The following CD164L2 variants were observed in gnomAD, a reference collection of about 807,000 sequenced individuals.
CD164L2 encodes CD164 molecule like 2, also known as CD164 sialomucin-like 2 protein.
CD164L2 carries 21 observed loss-of-function variants against 23.9 expected under a neutral mutation model. That is an observed-to-expected ratio of 0.88 (90% CI 0.62 to 1.27). CD164L2 has a LOEUF of 1.27. Among genes scored for constraint, CD164L2 ranks in the 50% most tolerant of loss-of-function variants. The pLI is 0.00. For missense variants in CD164L2, 230 were observed against 224.8 expected (o/e 1.02, Z -0.15); for synonymous variants, 92 against 90.2 (o/e 1.02, Z -0.11).
chr1:27,380,293 T>C, intron 4 of CD164L2, 98 bp from the exon 5 acceptor site: 1 of 1,140,770 alleles, frequency 8.8e-7, no homozygotes, highest in Non-Finnish European at 1.3e-6. Flanking sequence ...GAGGCCCCGG[T>C]CCTCAATATG....
At chr1:27,383,053 CT>C in intron 1 of CD164L2, 98 bp downstream of exon 1, 2 of 1,028,984 alleles carry the variant, frequency 1.9e-6, no homozygotes, top group Non-Finnish European at 2.9e-6. Context: ...GGAAAGCCCC[CT>C]CCCCTCAAGC....
chr1:27,382,484 G>A lies in CD164L2; in HGVS notation c.256+16C>T, dbSNP rs376208723. 68 of 1,591,454 alleles carry A rather than the reference G, an allele frequency of 4.3e-5. No individual in the cohort carries two copies. Among genetic ancestry groups the A allele is most frequent in the Non-Finnish European group, 5.1e-5 (59 of 1,165,396 alleles). On this transcript the variant is annotated intron_variant, in intron 2 of 5. Transcript: ENST00000374030. The stretch of plus-strand genomic sequence containing the variant: ...GAGCTGGGGGCACTCAATCTGGGGA[G>A]GGCTCAGCTCCATACCTGGCTCCTC...
In CD164L2 at chr1:27,382,446, G is replaced by T. The variant is rs201417742; in HGVS notation, c.257-47C>A. On this transcript the variant is annotated intron_variant, in intron 2 of 5. Coordinates refer to ENST00000374030, the MANE Select transcript of CD164L2 (RefSeq NM_001330448.1). Reference sequence around the variant, plus strand: ...GGGAGGTTTGGGGAGAGGGGCCAGGGCCTTGGGGTTCAGAGCTGGGGGCAC... The same window carrying T: ...GGGAGGTTTGGGGAGAGGGGCCAGGTCCTTGGGGTTCAGAGCTGGGGGCAC... 787 of 1,585,254 alleles carry T rather than the reference G, an allele frequency of 5.0e-4. 2 individuals carry two copies. In the African/African-American group the frequency reaches 8.5e-3, roughly 17 times the overall value.
In CD164L2 at chr1:27,379,409, TCCCGCC is replaced by T; in HGVS notation, c.*88_*93del. 8.8e-7 allele frequency: 1 copy of T among 1,134,224 alleles called. No individual in the cohort carries two copies. The highest frequency in any genetic ancestry group is 1.3e-5 in the South Asian group (1 of 75,470). 70.3% of individuals were successfully genotyped at this position (1,134,224 alleles called of 1,614,324 possible). ...GCCAAAAACTGGCGGCCAGAGTTTT[TCCCGCC>T]CCCGCCCCCCGCTTACCCACAAGGG... On this transcript the variant is annotated 3_prime_UTR_variant, in exon 6 of 6. Coordinates refer to ENST00000374030, the MANE Select transcript of CD164L2 (RefSeq NM_001330448.1).
rs1210946856 is a variant in CD164L2 at position 27,382,656 on chromosome 1, G to A, written c.100C>T (p.Arg34Ter). Residue 34 changes from arginine (R) to a stop codon, truncating the protein, a stop_gained, in exon 2 of 6, where the codon CGA (arginine) becomes TGA (stop). Coordinates refer to ENST00000374030, the MANE Select transcript of CD164L2 (RefSeq NM_001330448.1). LOFTEE classifies it high-confidence loss of function. ...AQLAVAGKGA[R>*]GFGRGALIRL... is the part of the protein sequence containing the mutation. ...ATCAGGGCTCCCCTCCCAAAGCCTC[G>A]AGCTCCTTTACCTGGTAGTGCGGTG... is the stretch of plus-strand genomic sequence containing the variant. 6.2e-7 allele frequency: 1 copy of A among 1,611,290 alleles called. No homozygotes were observed. Among genetic ancestry groups the A allele is most frequent in the Admixed American group, 1.7e-5 (1 of 59,820 alleles).
chr1:27,381,908 C>G (rs2016342715), intron 3 of CD164L2, 84 bp from the exon 4 acceptor site: 1 of 1,556,650 alleles, frequency 6.4e-7, no homozygotes, highest in Non-Finnish European at 8.8e-7. Context: ...CACCGCTAAA[C>G]TTCCGATTCA....
chr1:27,382,622 T>C lies in CD164L2; in HGVS notation c.134A>G (p.Asn45Ser), dbSNP rs140169689. 587 of 1,612,938 alleles carry C rather than the reference T, an allele frequency of 3.6e-4. 6 individuals carry two copies. The Middle Eastern group carries it at 8.9e-3, about 24-fold the overall frequency. ...GFGRGALIRL[N>S]IWPAVQGACK... ...GGCCCCTTGGACCGCCGGCCAGATATTCAGGCGGATCAGGGCTCCCCTCCC... is the reference window on the plus strand; with the variant it reads ...GGCCCCTTGGACCGCCGGCCAGATACTCAGGCGGATCAGGGCTCCCCTCCC... The change falls in exon 2 of 6, where the codon AAT becomes AGT. Residue 45 changes from asparagine (N) to serine (S), a missense_variant. By Grantham distance (46) the Asn-to-Ser change is conservative. Transcript: ENST00000374030.
intron 1 of CD164L2, 136 bp from the exon 2 acceptor site, chr1:27,382,803 C>G: frequency 1.0e-6 from 1 of 952,832 alleles, no homozygotes; most frequent in Non-Finnish European, 1.5e-6. Flanking sequence ...CCTGGATCCC[C>G]AAGCCCCAGC....
In CD164L2 at chr1:27,382,563, C is replaced by T. The variant is rs545591475; in HGVS notation, c.193G>A (p.Glu65Lys). Reference protein sequence around the residue: ...KQLEVCEHCVEGDGARNLSSC... With the variant: ...KQLEVCEHCVKGDGARNLSSC... The stretch of plus-strand genomic sequence containing the variant: ...GAGAGATTGCGCGCTCCGTCTCCCT[C>T]CACGCAGTGCTCACAGACCTCCAGC... Residue 65 changes from glutamate (E) to lysine (K), a missense_variant, in exon 2 of 6, where the codon GAG becomes AAG. Coordinates refer to ENST00000374030, the MANE Select transcript of CD164L2 (RefSeq NM_001330448.1). 2 of 1,613,714 alleles carry T rather than the reference C, an allele frequency of 1.2e-6. No homozygotes were observed. The highest frequency in any genetic ancestry group is 1.1e-5 in the South Asian group (1 of 91,062).
chr1:27,383,204 C>G lies in CD164L2; in HGVS notation c.36G>C (p.Ala12=). 6.5e-7 allele frequency: 1 copy of G among 1,547,706 alleles called. No individual in the cohort carries two copies. Among genetic ancestry groups the G allele is most frequent in the Non-Finnish European group, 8.7e-7 (1 of 1,146,794 alleles). Residue 12 remains alanine, a synonymous_variant, in exon 1 of 6, where the codon GCG becomes GCC. Coordinates refer to ENST00000374030, the MANE Select transcript of CD164L2 (RefSeq NM_001330448.1). ...GGAGGCAGCAACAGCCGCCACAGAGCGCAGTCCGCAAGGCGCGGGGTCCCG... is the reference window on the plus strand; with the variant it reads ...GGAGGCAGCAACAGCCGCCACAGAGGGCAGTCCGCAAGGCGCGGGGTCCCG... The part of the protein sequence containing the change: ...EAPGPRALRT[A]LCGGCCCLLL...
chr1:27,380,404 G>C (rs1470698647), intron 4 of CD164L2, among the ~76,000 whole-genome samples: 1 of 152,180 alleles, frequency 6.6e-6, no homozygotes, highest in Non-Finnish European at 1.5e-5. Context: ...GTGCTGTCCA[G>C]CCCTGGCTCT....
Position 27,383,321 on chromosome 1 carries a change from C to T in CD164L2, c.-82G>A. The T allele has an allele frequency of 1.1e-6, 1 of 904,442 alleles. No homozygotes were observed. Among genetic ancestry groups the T allele is most frequent in the Non-Finnish European group, 1.7e-6 (1 of 600,266 alleles). 56.0% of individuals were successfully genotyped at this position (904,442 alleles called of 1,614,324 possible). A position where few individuals can be genotyped will look rare whatever the true frequency, so the allele number is the denominator to read the frequency against. ...GGGCGCGTCCCTCCCAGACTGGGCT[C>T]GGCTGAGCGTGTGCGGAGCGAGACC... On this transcript the variant is annotated 5_prime_UTR_variant, in exon 1 of 6. Transcript: ENST00000374030.
chr1:27,381,896 C>A, intron 3 of CD164L2, 72 bp from the exon 4 acceptor site: 1 of 1,586,408 alleles, frequency 6.3e-7, no homozygotes, highest in Non-Finnish European at 8.6e-7. Context: ...CCAGCCCCCA[C>A]TCACCGCTAA....
intron 3 of CD164L2, 60 bp downstream of exon 3, chr1:27,382,265 TGGG>T: frequency 6.2e-7 from 1 of 1,614,074 alleles, no homozygotes; most frequent in Admixed American, 1.7e-5. Context: ...TGTTTCCTCC[TGGG>T]GGGCAGGCTA....
chr1:27,381,814 G>C lies in CD164L2; in HGVS notation c.339C>G (p.His113Gln), dbSNP rs1214695453. 6.2e-7 allele frequency: 1 copy of C among 1,613,982 alleles called. No homozygotes were observed. Among genetic ancestry groups the C allele is most frequent in the Non-Finnish European group, 8.5e-7 (1 of 1,179,932 alleles). ...CTGTCTTCGGTTCATAGGTGGGGTGGTGGTGAGCAGCTGAGGAGACAGGTG... is the reference window on the plus strand; with the variant it reads ...CTGTCTTCGGTTCATAGGTGGGGTGCTGGTGAGCAGCTGAGGAGACAGGTG... ...NRSEACPAAH[H>Q]HPTYEPKTVT... is the part of the protein sequence containing the mutation. Residue 113 changes from histidine (H) to glutamine (Q), a missense_variant, in exon 4 of 6, where the codon CAC becomes CAG. Physicochemically the swap from His to Gln is conservative, Grantham distance 24 (BLOSUM62 0). Coordinates refer to ENST00000374030, the MANE Select transcript of CD164L2 (RefSeq NM_001330448.1).
chr1:27,382,817 C>T, intron 1 of CD164L2, 150 bp from the exon 2 acceptor site: 2 of 829,094 alleles, frequency 2.4e-6, no homozygotes, highest in Middle Eastern at 3.7e-4. Flanking sequence ...CCCCAGCGCA[C>T]ACCTGGAGCT....
Position 27,379,463 on chromosome 1 carries a change from T to G in CD164L2, c.*40A>C, listed in dbSNP as rs1336588743. ...GGGTGCCCAGAGGCCACCCTCTGCATCCTCCTTTCCCCTCAGGATGGAGTC... is the reference window on the plus strand; with the variant it reads ...GGGTGCCCAGAGGCCACCCTCTGCAGCCTCCTTTCCCCTCAGGATGGAGTC... On this transcript the variant is annotated 3_prime_UTR_variant, in exon 6 of 6. Coordinates refer to ENST00000374030, the MANE Select transcript of CD164L2 (RefSeq NM_001330448.1). 9.8e-7 allele frequency: 1 copy of G among 1,021,836 alleles called. No homozygotes were observed. The highest frequency in any genetic ancestry group is 1.4e-6 in the Non-Finnish European group (1 of 707,788). 63.3% of individuals were successfully genotyped at this position (1,021,836 alleles called of 1,614,324 possible).
intron 3 of CD164L2, 60 bp from the exon 4 acceptor site, chr1:27,381,884 C>T (rs1347296948): frequency 2.4e-5 from 38 of 1,598,730 alleles, no homozygotes; most frequent in Non-Finnish European, 3.2e-5. Context: ...CCCATCAAGA[C>T]CCCAGCCCCC....
At chr1:27,381,690 A>G in intron 4 of CD164L2, 90 bp downstream of exon 4, 1 of 1,431,166 alleles carries the variant, frequency 7.0e-7, no homozygotes, top group Non-Finnish European at 9.6e-7. Flanking sequence ...CGCAGGGCCG[A>G]GGTCACAGAG....
Sources: allele counts gnomAD v4.1 joint callset (sites outside exome capture counted in the v4.1 genomes callset), GRCh38; gene constraint gnomAD v4.1.1; transcripts MANE v1.5; gene names NCBI Gene and HGNC (gene_info 2026-07-23, HGNC 2026-07-21).